ADGRE5: variants seen among roughly 807,000 people sequenced by gnomAD.
ADGRE5 encodes adhesion G protein-coupled receptor E5.
ADGRE5 carries 72 observed loss-of-function variants against 100.3 expected under a neutral mutation model. That is an observed-to-expected ratio of 0.72 (90% confidence interval 0.59 to 0.87). The LOEUF (loss-of-function observed/expected upper bound fraction) is 0.87. Among genes scored for constraint, ADGRE5 ranks in the 40% least tolerant of loss-of-function variants. The pLI is 0.00. For missense variants in ADGRE5, 959 were observed against 1,094.7 expected (o/e 0.88, Z 1.75); for synonymous variants, 439 against 447.8 (o/e 0.98, Z 0.25).
At chr19:14,386,304 G>A (rs796640163) in intron 1 of ADGRE5, among the ~76,000 whole-genome samples, 57 of 150,008 alleles carry the variant, frequency 3.8e-4, no homozygotes, top group African/African-American at 1.3e-3. Context: ...GCGTGAACCC[G>A]GGAGGTGGAG....
At chr19:14,404,866 G>GTTT (rs779348170) in intron 13 of ADGRE5, 261 of 243,962 alleles carry the variant, frequency 1.1e-3, no homozygotes, top group South Asian at 3.0e-3. Context: ...CCACTTGCCC[G>GTTT]TTTTTTTTTT....
At position 14,406,802 on chromosome 19, in the gene ADGRE5, G is replaced by A. The variant is rs772681384; in HGVS notation, c.2115+36G>A. 5.1e-5 allele frequency: 82 copies of A among 1,611,730 alleles called. No individual in the cohort carries two copies. The Admixed American group carries it at 1.3e-3, about 26-fold the overall frequency. On this transcript the variant is annotated intron_variant, in intron 16 of 19. Coordinates refer to ENST00000242786, the MANE Select transcript of ADGRE5 (RefSeq NM_078481.4). This position sits in a 1 kb window ranked among gnomAD's most constrained non-coding sequence, Gnocchi z 6.0. ...ACTCTCCCTCCACCGAAGCCCGAGCGCCACAGGCCCAGGCCCGGCTGGACC... is the reference window on the plus strand; with the variant it reads ...ACTCTCCCTCCACCGAAGCCCGAGCACCACAGGCCCAGGCCCGGCTGGACC...
chr19:14,388,067 C>G (rs896059416), intron 1 of ADGRE5, among the ~76,000 whole-genome samples: 2 of 151,784 alleles, frequency 1.3e-5, no homozygotes, highest in Non-Finnish European at 2.9e-5. Context: ...CAGAGCAAGA[C>G]TCTGTCTCAA....
rs1445940555 is a variant in ADGRE5 at position 14,406,198 on chromosome 19, G to GC, written c.1822-128dup. On this transcript the variant is annotated intron_variant, in intron 14 of 19. Transcript: ENST00000242786. The surrounding 1 kb of genome is among the most constrained non-coding windows in gnomAD (Gnocchi z 6.0). ...GGGGTGGGCCCTGGGGGGAAACCTG[G>GC]CCCCCGCTCCAGACCCGCCCACCCT... 1.4e-5 allele frequency: 11 copies of GC among 777,348 alleles called. No individual in the cohort carries two copies. The Admixed American group carries it at 1.5e-4, about 10-fold the overall frequency. 48.2% of individuals were successfully genotyped at this position (777,348 alleles called of 1,614,324 possible).
At chr19:14,396,748 A>C (rs916729200) in intron 5 of ADGRE5, among the ~76,000 whole-genome samples, 2 of 152,214 alleles carry the variant, frequency 1.3e-5, no homozygotes, top group African/African-American at 4.8e-5. Context: ...TGTCACTTCC[A>C]GTTCTAAGAA....
At position 14,406,391 on chromosome 19, in the gene ADGRE5, T is replaced by C. The variant is rs1482804987; in HGVS notation, c.1882T>C (p.Cys628Arg). 6.3e-7 allele frequency: 1 copy of C among 1,593,148 alleles called. No individual in the cohort carries two copies. The highest frequency in any genetic ancestry group is 1.1e-5 in the South Asian group (1 of 88,014). Residue 628 changes from cysteine to arginine, a missense_variant, in exon 15 of 20, where the codon TGC becomes CGC. Cys to Arg is a radical substitution (Grantham distance 180, BLOSUM62 -3). This residue lies in a region of ADGRE5 where 428 missense variants were observed against 386.2 expected (regional missense o/e 1.11). Transcript: ENST00000242786. The surrounding 1 kb of genome is among the most constrained non-coding windows in gnomAD (Gnocchi z 6.0). ...LLHYCFLAAF[C>R]WMSLEGLELY... ...GCACTACTGTTTCCTGGCCGCCTTC[T>C]GCTGGATGAGCCTCGAAGGCCTGGA...
In ADGRE5 at chr19:14,397,938, G is replaced by T. The variant is rs746765269; in HGVS notation, c.819+3G>T. ...CGCCCCCTGGAGTCCACAGCCAGGT[G>T]AGTGGCCCCCACAGGGACGAGGCGG... On this transcript the variant is annotated splice_donor_region_variant and intron_variant, in intron 8 of 19. Transcript: ENST00000242786. 3 of 1,383,068 alleles carry T rather than the reference G, an allele frequency of 2.2e-6. No homozygotes were observed. The Admixed American group carries it at 6.1e-5, about 28-fold the overall frequency. 85.7% of individuals were successfully genotyped at this position (1,383,068 alleles called of 1,614,324 possible).
intron 1 of ADGRE5, among the ~76,000 whole-genome samples, chr19:14,382,534 T>C (rs1432985730): frequency 6.6e-6 from 1 of 152,116 alleles, no homozygotes; most frequent in East Asian, 1.9e-4. Context: ...ACACAAACTA[T>C]TCCTGGTTCA....
At chr19:14,389,563 T>C (rs1975520607) in intron 3 of ADGRE5, among the ~76,000 whole-genome samples, 1 of 150,372 alleles carries the variant, frequency 6.7e-6, no homozygotes, top group Non-Finnish European at 1.5e-5. Context: ...TGAAACCTCC[T>C]CTCTATACTA....
At chr19:14,390,228 G>A (rs763792131) in intron 3 of ADGRE5, among the ~76,000 whole-genome samples, 1 of 152,010 alleles carries the variant, frequency 6.6e-6, no homozygotes, top group East Asian at 1.9e-4. Context: ...TGGCTTCCTG[G>A]AGAGAGAGAA....
chr19:14,407,304 T>C (rs1319305564), intron 18 of ADGRE5, 75 bp downstream of exon 18: 14 of 1,550,478 alleles, frequency 9.0e-6, no homozygotes, highest in Non-Finnish European at 1.2e-5. Context: ...GAGGATTGCT[T>C]GAGCCCAGAA....
chr19:14,407,059 A>G lies in ADGRE5; in HGVS notation c.2208-2A>G. The G allele has an allele frequency of 6.2e-7, 1 of 1,614,070 alleles. No homozygotes were observed. The highest frequency in any genetic ancestry group is 8.5e-7 in the Non-Finnish European group (1 of 1,180,012). On this transcript the variant is annotated splice_acceptor_variant, in intron 17 of 19. Coordinates refer to ENST00000242786, the MANE Select transcript of ADGRE5 (RefSeq NM_078481.4). LOFTEE classifies it high-confidence loss of function. The stretch of plus-strand genomic sequence containing the variant: ...CCCACGCTGCAACCCCGCTCCTCGC[A>G]GGGCGCTGACCATCACGGCCATCGC...
chr19:14,395,022 T>C (rs1306105605), intron 4 of ADGRE5, among the ~76,000 whole-genome samples: 1 of 152,184 alleles, frequency 6.6e-6, no homozygotes, highest in Non-Finnish European at 1.5e-5. Context: ...TTCAGAGGGC[T>C]GGGTGCCGTG....
Position 14,408,177 on chromosome 19 carries a change from C to CG in ADGRE5, c.*57dup. The CG allele has an allele frequency of 6.3e-7, 1 of 1,581,598 alleles. No individual in the cohort carries two copies. The highest frequency in any genetic ancestry group is 2.2e-5 in the East Asian group (1 of 44,524). ...CCTGTGGCCACAGCAGCTTTGTACACGAAGACCATCCATCCTCCCTTCGTC... is the reference window on the plus strand; with the variant it reads ...CCTGTGGCCACAGCAGCTTTGTACACGGAAGACCATCCATCCTCCCTTCGTC... On this transcript the variant is annotated 3_prime_UTR_variant, in exon 20 of 20. Coordinates refer to ENST00000242786, the MANE Select transcript of ADGRE5 (RefSeq NM_078481.4).
chr19:14,408,336 CCT>C lies in ADGRE5; in HGVS notation c.*220_*221del. On this transcript the variant is annotated 3_prime_UTR_variant, in exon 20 of 20. Transcript: ENST00000242786. ...GAGCCACTGGTCCTGCTGCTGGCTG[CCT>C]CTCTGCTCCACCTTGTGACCCAGGG... 6.3e-6 allele frequency: 4 copies of C among 635,220 alleles called. 1 individual carries two copies. The highest frequency in any genetic ancestry group is 5.4e-5 in the South Asian group (3 of 56,018). The allele number at this position is 635,220 out of a possible 1,614,324, so 39.3% of individuals were successfully genotyped here. A position where few individuals can be genotyped will look rare whatever the true frequency, so the allele number is the denominator to read the frequency against.
chr19:14,403,864 C>CTT lies in ADGRE5; in HGVS notation c.1450-491_1450-490dup, dbSNP rs58411522. On this transcript the variant is annotated intron_variant, in intron 12 of 19. Transcript: ENST00000242786. ...TTTATGTCATAATCTGCCTCTCCCA[C>CTT]TTTTTTTTTTTTTTTTTTTTTTTTT... Among the ~76,000 whole-genome samples, 30 of 74,298 alleles carry CTT rather than the reference C, an allele frequency of 4.0e-4. 1 individual carries two copies. The highest frequency in any genetic ancestry group is 6.5e-4 in the Non-Finnish European group (25 of 38,626). The allele number at this position is 74,298 out of a possible 152,430, so 48.7% of individuals were successfully genotyped here.
intron 2 of ADGRE5, 43 bp from the exon 3 acceptor site, chr19:14,388,659 T>A: frequency 1.2e-6 from 2 of 1,602,842 alleles, no homozygotes; most frequent in Non-Finnish European, 1.7e-6. Context: ...TTTTGTGTAT[T>A]CCCTTACCCC....
intron 11 of ADGRE5, 140 bp from the exon 12 acceptor site, chr19:14,402,457 A>G (rs369048016): frequency 1.2e-6 from 1 of 820,084 alleles, no homozygotes; most frequent in Non-Finnish European, 2.0e-6. Flanking sequence ...ACAAGGAACA[A>G]CTAGAAACTG....
In ADGRE5 at chr19:14,406,380, TG is replaced by T; in HGVS notation, c.1873del (p.Ala625ProfsTer6). 6.3e-7 allele frequency: 1 copy of T among 1,589,368 alleles called. No individual in the cohort carries two copies. Among genetic ancestry groups the T allele is most frequent in the Middle Eastern group, 1.8e-4 (1 of 5,698 alleles). On this transcript the variant is annotated frameshift_variant, in exon 15 of 20. Coordinates refer to ENST00000242786, the MANE Select transcript of ADGRE5 (RefSeq NM_078481.4). LOFTEE classifies it high-confidence loss of function. This position sits in a 1 kb window ranked among gnomAD's most constrained non-coding sequence, Gnocchi z 6.0. ...LVAGLLHYCF[L>X]AAFCWMSLEG... The stretch of plus-strand genomic sequence containing the variant: ...GCCGGGCTGCTGCACTACTGTTTCC[TG>T]GCCGCCTTCTGCTGGATGAGCCTCG...
Sources: gnomAD v4.1 joint callset for allele counts (sites outside exome capture counted in the v4.1 genomes callset) on GRCh38, gnomAD v4.1.1 for gene constraint, gnomAD v4.1.1 regional missense constraint, Gnocchi (gnomAD v3.1) non-coding constraint, MANE v1.5 for transcripts, NCBI Gene and HGNC (gene_info 2026-07-23, HGNC 2026-07-21) for gene names.